TRIM44: variants seen among roughly 807,000 people sequenced by gnomAD.
TRIM44 encodes the protein tripartite motif-containing protein 44.
A neutral mutation model predicts 37.4 loss-of-function variants in TRIM44; 13 were observed. That is an observed-to-expected ratio of 0.35 (90% CI 0.23 to 0.55). The LOEUF (loss-of-function observed/expected upper bound fraction) is 0.55, where lower values mean the gene tolerates loss of function less well. Ranked by LOEUF, TRIM44 falls within the 20% of genes least tolerant of loss-of-function variation. The probability of loss-of-function intolerance (pLI) is 0.89; values close to 1 mark genes in which losing one functional copy is unlikely to be tolerated. For synonymous variants in TRIM44, 175 were observed against 157.2 expected (o/e 1.11, Z -0.85); for missense variants, 426 against 437.2 (o/e 0.97, Z 0.23).
intron 1 of TRIM44, among the ~76,000 whole-genome samples, chr11:35,670,800 T>C (rs1456154767): frequency 2.6e-5 from 4 of 152,218 alleles, no homozygotes; most frequent in African/African-American, 9.6e-5. Flanking sequence ...GATGTTGTGT[T>C]TGAAGGAATT....
chr11:35,772,162 A>C (rs989162774), intron 4 of TRIM44, among the ~76,000 whole-genome samples: 6 of 152,250 alleles, frequency 3.9e-5, no homozygotes, highest in African/African-American at 7.2e-5. Context: ...AGTGCACAGA[A>C]GTCAAGAACT....
intron 4 of TRIM44, among the ~76,000 whole-genome samples, chr11:35,803,731 A>G (rs1369937470): frequency 6.6e-6 from 1 of 152,174 alleles, no homozygotes; most frequent in Non-Finnish European, 1.5e-5. Context: ...AAATATAAAT[A>G]AATAAAATGA....
intron 4 of TRIM44, among the ~76,000 whole-genome samples, chr11:35,778,388 C>T (rs188041183): frequency 3.9e-5 from 6 of 152,240 alleles, no homozygotes; most frequent in Admixed American, 6.5e-5. Context: ...AGCTTCTTTG[C>T]GATGGGTTCA....
At chr11:35,715,631 G>C (rs74702840) in intron 2 of TRIM44, among the ~76,000 whole-genome samples, 1 of 151,942 alleles carries the variant, frequency 6.6e-6, no homozygotes, top group East Asian at 1.9e-4. Flanking sequence ...GAAGGATGGA[G>C]TAGTCTGACT....
At position 35,721,510 on chromosome 11, in the gene TRIM44, A is replaced by G. The variant is rs142795913; in HGVS notation, c.748-4414A>G. Among the ~76,000 whole-genome samples the G allele has an allele frequency of 1.8e-3, 281 of 152,332 alleles. 2 individuals are homozygous for G. The highest frequency in any genetic ancestry group is 6.5e-3 in the African/African-American group (269 of 41,578). On this transcript the variant is annotated intron_variant, in intron 2 of 4. Coordinates refer to ENST00000299413, the MANE Select transcript of TRIM44 (RefSeq NM_017583.6). ...TGAAGTAACTAAGCGGTTAACTGAG[A>G]TAGAGTTCCAGTGGTAGTACCTTAT...
At chr11:35,776,942 G>A (rs531439539) in intron 4 of TRIM44, among the ~76,000 whole-genome samples, 1 of 152,328 alleles carries the variant, frequency 6.6e-6, no homozygotes, top group East Asian at 1.9e-4. Context: ...TTGATTTGGG[G>A]TGGAGAGTTC....
chr11:35,683,759 T>G (rs1460677976), intron 1 of TRIM44, among the ~76,000 whole-genome samples: 2 of 152,042 alleles, frequency 1.3e-5, no homozygotes, highest in African/African-American at 4.8e-5. Context: ...AATGTATTAT[T>G]ATTATGGCAT....
At chr11:35,696,527 C>G (rs1190708431) in intron 2 of TRIM44, among the ~76,000 whole-genome samples, 1 of 151,952 alleles carries the variant, frequency 6.6e-6, no homozygotes. Flanking sequence ...TTGTCTTTCC[C>G]CCAGCCCCTT....
intron 1 of TRIM44, among the ~76,000 whole-genome samples, chr11:35,678,043 A>T (rs576794260): frequency 6.6e-6 from 1 of 152,314 alleles, no homozygotes; most frequent in Admixed American, 6.5e-5. Context: ...CAAGTTTACT[A>T]AGGGGATAAA....
At chr11:35,672,271 A>G (rs1168382512) in intron 1 of TRIM44, among the ~76,000 whole-genome samples, 3 of 152,076 alleles carry the variant, frequency 2.0e-5, no homozygotes, top group Non-Finnish European at 4.4e-5. Flanking sequence ...ATGGAACACC[A>G]TTTGCCTTAC....
rs140332378 is a variant in TRIM44, at chr11:35,760,829, G to A, written c.1007+25384G>A. ...TAATGTCCTCTCTTAACATTTTTCA[G>A]AAATACAGTATTTTATCTATAGTCA... On this transcript the variant is annotated intron_variant, in intron 4 of 4. Coordinates refer to ENST00000299413, the MANE Select transcript of TRIM44 (RefSeq NM_017583.6). 1.9e-3 allele frequency among the ~76,000 whole-genome samples: 283 copies of A among 152,180 alleles called. 2 individuals carry two copies. Among genetic ancestry groups the A allele is most frequent in the African/African-American group, 6.6e-3 (272 of 41,520 alleles).
At chr11:35,777,690 G>T (rs551828027) in intron 4 of TRIM44, among the ~76,000 whole-genome samples, 7 of 152,238 alleles carry the variant, frequency 4.6e-5, no homozygotes, top group South Asian at 4.2e-4. Flanking sequence ...CTCTGTAAAG[G>T]ATTTTATTTC....
At chr11:35,706,025 A>G (rs1211208982) in intron 2 of TRIM44, among the ~76,000 whole-genome samples, 2 of 148,918 alleles carry the variant, frequency 1.3e-5, no homozygotes, top group Admixed American at 1.3e-4. Context: ...CAAGACTAAT[A>G]AAGAAGAAAA....
chr11:35,741,841 G>A (rs1852400861), intron 4 of TRIM44, among the ~76,000 whole-genome samples: 1 of 152,060 alleles, frequency 6.6e-6, no homozygotes, highest in South Asian at 2.1e-4. Context: ...TTAGGGATAT[G>A]GATATAACTA....
intron 2 of TRIM44, among the ~76,000 whole-genome samples, chr11:35,699,024 C>G (rs1377402099): frequency 6.8e-6 from 1 of 146,906 alleles, no homozygotes; most frequent in Non-Finnish European, 1.5e-5. Flanking sequence ...TTTCCCAGCA[C>G]CATTTATTAA....
intron 4 of TRIM44, among the ~76,000 whole-genome samples, chr11:35,790,535 C>G (rs1853194175): frequency 6.6e-6 from 1 of 152,110 alleles, no homozygotes. Context: ...TCTCTTGTCT[C>G]TGCTTCAGCT....
intron 4 of TRIM44, among the ~76,000 whole-genome samples, chr11:35,756,938 G>T (rs1471205271): frequency 6.6e-6 from 1 of 152,192 alleles, no homozygotes; most frequent in Non-Finnish European, 1.5e-5. Flanking sequence ...TGGCGTCGAT[G>T]TTCATCAGGG....
chr11:35,808,513 A>ATATCT lies in TRIM44; in HGVS notation c.*2129_*2133dup, dbSNP rs1266393658. Reference sequence around the variant, plus strand: ...GCAATAGACAGATCATTGGTTCTCCATATCTGATCATATGTTACTACTTTG... The same window carrying ATATCT: ...GCAATAGACAGATCATTGGTTCTCCATATCTTATCTGATCATATGTTACTACTTTG... On this transcript the variant is annotated 3_prime_UTR_variant, in exon 5 of 5. Coordinates refer to ENST00000299413, the MANE Select transcript of TRIM44 (RefSeq NM_017583.6). 6.6e-6 allele frequency: 1 copy of ATATCT among 152,204 alleles called. No homozygotes were observed. The highest frequency in any genetic ancestry group is 2.4e-5 in the African/African-American group (1 of 41,448). 9.4% of individuals were successfully genotyped at this position (152,204 alleles called of 1,614,324 possible). A position where few individuals can be genotyped will look rare whatever the true frequency, so the allele number is the denominator to read the frequency against.
At chr11:35,710,647 T>G (rs1410117679) in intron 2 of TRIM44, among the ~76,000 whole-genome samples, 3 of 152,222 alleles carry the variant, frequency 2.0e-5, no homozygotes, top group Non-Finnish European at 4.4e-5. Context: ...CTTCTCCATT[T>G]ATAACATAAA....
Sources: gnomAD v4.1 joint callset for allele counts (sites outside exome capture counted in the v4.1 genomes callset) on GRCh38, gnomAD v4.1.1 for gene constraint, MANE v1.5 for transcripts, NCBI Gene and HGNC (gene_info 2026-07-23, HGNC 2026-07-21) for gene names.